HIBCH: variants seen among roughly 807,000 people sequenced by gnomAD.
HIBCH encodes 3-hydroxyisobutyryl-CoA hydrolase, also known as 3-hydroxyisobutyryl-CoA hydrolase, mitochondrial.
Under a neutral mutation model 58.2 loss-of-function variants are expected in HIBCH, and 50 were observed. That is an observed-to-expected ratio of 0.86 (90% confidence interval 0.68 to 1.09). The LOEUF (loss-of-function observed/expected upper bound fraction) is 1.09. HIBCH is among the 50% of genes least tolerant of loss of function. The probability of loss-of-function intolerance (pLI) is 0.00; values close to 1 mark genes in which losing one functional copy is unlikely to be tolerated. For synonymous variants in HIBCH, 151 were observed against 146.9 expected, an observed-to-expected ratio of 1.03 and a Z score of -0.20; for missense variants, 450 against 449.7, an observed-to-expected ratio of 1.00 and a Z score of -0.01.
downstream of HIBCH, chr2:190,201,064 C>T (rs1690224139): frequency 6.1e-6 from 1 of 164,704 alleles, no homozygotes; most frequent in Non-Finnish European, 1.5e-5. Flanking sequence ...CCAGATAATG[C>T]ATGAAGATTT....
intron 11 of HIBCH, among the ~76,000 whole-genome samples, chr2:190,228,295 G>T (rs191367291): frequency 5.5e-4 from 84 of 151,368 alleles, no homozygotes; most frequent in African/African-American, 1.9e-3. Flanking sequence ...GCAAATTATC[G>T]CAAGGACAGA....
chr2:190,228,919 T>A (rs1238909813), intron 11 of HIBCH, among the ~76,000 whole-genome samples: 3 of 152,174 alleles, frequency 2.0e-5, no homozygotes, highest in Admixed American at 6.5e-5. Flanking sequence ...TTAAAGAGCA[T>A]TATCAGAATT....
At chr2:190,289,122 AAAT>A (rs1687902749) in intron 5 of HIBCH, among the ~76,000 whole-genome samples, 1 of 152,156 alleles carries the variant, frequency 6.6e-6, no homozygotes, top group East Asian at 1.9e-4. Context: ...AAAGATAAAT[AAAT>A]AATAAATAAT....
At chr2:190,295,530 A>C (rs143253955) in intron 3 of HIBCH, among the ~76,000 whole-genome samples, 1 of 152,198 alleles carries the variant, frequency 6.6e-6, no homozygotes, top group African/African-American at 2.4e-5. Flanking sequence ...ATGCTTAAAG[A>C]GTTTTTGAAT....
intron 6 of HIBCH, among the ~76,000 whole-genome samples, chr2:190,275,222 G>A (rs1251859828): frequency 3.3e-5 from 5 of 152,172 alleles, no homozygotes; most frequent in Admixed American, 2.0e-4. Flanking sequence ...GAGAGAGGAG[G>A]AGAGAAGAAC....
intron 11 of HIBCH, among the ~76,000 whole-genome samples, chr2:190,244,129 T>C (rs1686534604): frequency 7.4e-6 from 1 of 135,638 alleles, no homozygotes; most frequent in South Asian, 2.3e-4. Flanking sequence ...ATGTGGAGCC[T>C]AATATATATA....
intron 11 of HIBCH, among the ~76,000 whole-genome samples, chr2:190,224,054 C>T (rs956029356): frequency 1.3e-4 from 20 of 152,316 alleles, no homozygotes; most frequent in Admixed American, 3.3e-4. Flanking sequence ...ACACTCCCAC[C>T]CTAACACTGC....
At position 190,211,859 on chromosome 2, in the gene HIBCH, A is replaced by G. The variant is rs1391963958; in HGVS notation, c.1011+1097T>C. On this transcript the variant is annotated intron_variant, in intron 12 of 13. Transcript: ENST00000359678. This position sits in a 1 kb window ranked among gnomAD's most constrained non-coding sequence, Gnocchi z 5.0. Reference sequence around the variant, plus strand: ...GCACAGTGCCTGGGACATAGCTAACATATTTGCTGAGAGAATGAAGGCAAG... The same window carrying G: ...GCACAGTGCCTGGGACATAGCTAACGTATTTGCTGAGAGAATGAAGGCAAG... Among the ~76,000 whole-genome samples the G allele has an allele frequency of 2.0e-5, 3 of 152,256 alleles. No individual in the cohort carries two copies. The highest frequency in any genetic ancestry group is 4.4e-5 in the Non-Finnish European group (3 of 68,040).
intron 6 of HIBCH, among the ~76,000 whole-genome samples, chr2:190,274,760 G>T (rs1404754261): frequency 6.6e-6 from 1 of 152,218 alleles, no homozygotes; most frequent in Admixed American, 6.5e-5. Flanking sequence ...GAAAGGATGT[G>T]AAGGAAGGTT....
At chr2:190,190,973 G>A (rs1689682937) in intron 1 of HIBCH, among the ~76,000 whole-genome samples, 1 of 152,018 alleles carries the variant, frequency 6.6e-6, no homozygotes, top group Non-Finnish European at 1.5e-5. Context: ...TCTATCATCT[G>A]TCCCTATAGT....
chr2:190,219,607 G>C (rs1444819593), intron 11 of HIBCH, among the ~76,000 whole-genome samples: 1 of 152,222 alleles, frequency 6.6e-6, no homozygotes, highest in Admixed American at 6.5e-5. Context: ...TAGGATTGCA[G>C]TGCATTGTGG....
rs1395539422 is a variant in HIBCH, at chr2:190,253,939, C to A, written c.518-1632G>T. On this transcript the variant is annotated intron_variant, in intron 7 of 13. Transcript: ENST00000359678. The stretch of plus-strand genomic sequence containing the variant: ...TTCTTCTCTTCCAGGGTACCACATT[C>A]TCTCTTTTCTCCCCCTTCCCCCAAT... Among the ~76,000 whole-genome samples, 3 of 152,100 alleles carry A rather than the reference C, an allele frequency of 2.0e-5. No homozygotes were observed. The East Asian group carries it at 5.8e-4, about 29-fold the overall frequency.
At chr2:190,258,959 A>G (rs1310572808) in intron 7 of HIBCH, among the ~76,000 whole-genome samples, 1 of 152,112 alleles carries the variant, frequency 6.6e-6, no homozygotes, top group Non-Finnish European at 1.5e-5. Context: ...TGGGCTTGCT[A>G]TTCTTTTCCA....
intron 2 of HIBCH, among the ~76,000 whole-genome samples, chr2:190,302,503 CTT>C (rs1404991693): frequency 2.0e-5 from 3 of 152,126 alleles, no homozygotes; most frequent in Non-Finnish European, 4.4e-5. Flanking sequence ...CATCAGTGGT[CTT>C]TTATTAGGAA....
intron 6 of HIBCH, among the ~76,000 whole-genome samples, chr2:190,277,371 C>G (rs1259499710): frequency 6.6e-6 from 1 of 152,166 alleles, no homozygotes; most frequent in Non-Finnish European, 1.5e-5. Context: ...ATAAAACCTT[C>G]TATAACAAAA....
At chr2:190,286,055 T>C (rs1351716653) in intron 6 of HIBCH, among the ~76,000 whole-genome samples, 2 of 152,092 alleles carry the variant, frequency 1.3e-5, no homozygotes, top group African/African-American at 4.8e-5. Context: ...TTGCCCAAGC[T>C]GGTCTCGAAC....
At chr2:190,262,508 A>G (rs1170841938) in intron 6 of HIBCH, among the ~76,000 whole-genome samples, 1 of 152,194 alleles carries the variant, frequency 6.6e-6, no homozygotes, top group Non-Finnish European at 1.5e-5. Context: ...GGCCCCCAGT[A>G]TATATTCACT....
chr2:190,267,625 G>A (rs1219283391), intron 6 of HIBCH, among the ~76,000 whole-genome samples: 1 of 152,032 alleles, frequency 6.6e-6, no homozygotes, highest in Non-Finnish European at 1.5e-5. Context: ...AACTCATTAA[G>A]TAATTCAGCT....
intron 11 of HIBCH, among the ~76,000 whole-genome samples, chr2:190,227,061 A>C (rs1193983511): frequency 1.3e-5 from 2 of 152,206 alleles, no homozygotes; most frequent in East Asian, 3.8e-4. Flanking sequence ...CTTTCTTCAC[A>C]GAATTGGAAA....
Sources: gnomAD v4.1 joint callset for allele counts (sites outside exome capture counted in the v4.1 genomes callset) on GRCh38, gnomAD v4.1.1 for gene constraint, Gnocchi (gnomAD v3.1) non-coding constraint, MANE v1.5 for transcripts, NCBI Gene and HGNC (gene_info 2026-07-23, HGNC 2026-07-21) for gene names.